Variants in NOLC1 observed in about 807,000 individuals in gnomAD.
NOLC1 encodes 140 kDa nucleolar phosphoprotein.
A neutral mutation model predicts 73.4 loss-of-function variants in NOLC1; 37 were observed. That is an observed-to-expected ratio of 0.50 (90% CI 0.39 to 0.66). The LOEUF (loss-of-function observed/expected upper bound fraction) is 0.66, where lower values mean the gene tolerates loss of function less well. NOLC1 is among the 30% of genes least tolerant of loss of function. NOLC1 has a pLI of 0.00. For synonymous variants in NOLC1, 327 were observed against 302.6 expected (o/e 1.08, Z -0.84); for missense variants, 921 against 838.9 (o/e 1.10, Z -1.21).
intron 1 of NOLC1, 101 bp downstream of exon 1, chr10:102,152,631 A>G: frequency 2.0e-6 from 3 of 1,538,340 alleles, no homozygotes; most frequent in Non-Finnish European, 2.6e-6. Context: ...GGGGTCCGCC[A>G]GTCCAGTGTC....
intron 1 of NOLC1, among the ~76,000 whole-genome samples, chr10:102,154,231 C>T (rs1423341574): frequency 1.4e-5 from 2 of 147,922 alleles, no homozygotes; most frequent in African/African-American, 2.5e-5. Context: ...CCCACCATGC[C>T]TGGCTAATTT....
At position 102,162,305 on chromosome 10, in the gene NOLC1, C is replaced by G; in HGVS notation, c.*36C>G. ...TCTTCGGTGAAGCAAGGGTGATGAT[C>G]GGAGACTACTTACTTTCTCCAGTGG... On this transcript the variant is annotated 3_prime_UTR_variant, in exon 13 of 13. Transcript: ENST00000605788. The G allele has an allele frequency of 6.2e-7, 1 of 1,604,148 alleles. No individual in the cohort carries two copies. Among genetic ancestry groups the G allele is most frequent in the Non-Finnish European group, 8.5e-7 (1 of 1,173,902 alleles).
chr10:102,159,122 A>C, intron 5 of NOLC1, 71 bp from the exon 6 acceptor site: 1 of 1,262,996 alleles, frequency 7.9e-7, no homozygotes, highest in African/African-American at 1.5e-5. Context: ...CTCTGCTCAT[A>C]GGAAGGAGGT....
intron 1 of NOLC1, among the ~76,000 whole-genome samples, chr10:102,155,022 A>AT (rs34034390): frequency 0.21 from 27,879 of 131,180 alleles, 3,595 homozygotes; most frequent in East Asian, 0.34. Context: ...CACCTGGCTA[A>AT]TTTTTTTTTT....
rs890709687 is a variant in NOLC1, at chr10:102,162,832, T to C, written c.*563T>C. On this transcript the variant is annotated 3_prime_UTR_variant, in exon 13 of 13. Coordinates refer to ENST00000605788, the MANE Select transcript of NOLC1 (RefSeq NM_004741.5). ...GCATGCACTATGTATTTCATCCTCA[T>C]TTATTGGGTCTGGGACTGAAGTTTT... 7.9e-5 allele frequency: 12 copies of C among 152,250 alleles called. No homozygotes were observed. The highest frequency in any genetic ancestry group is 2.9e-5 in the Non-Finnish European group (2 of 68,056). 9.4% of individuals were successfully genotyped at this position (152,250 alleles called of 1,614,324 possible).
Position 102,152,465 on chromosome 10 carries a change from C to T in NOLC1, c.55C>T (p.Leu19Phe), listed in dbSNP as rs748924182. 1 of 1,613,602 alleles carries T rather than the reference C, an allele frequency of 6.2e-7. No homozygotes were observed. The highest frequency in any genetic ancestry group is 8.5e-7 in the Non-Finnish European group (1 of 1,180,038). ...VVPSDLYPLV[L>F]GFLRDNQLSE... is the part of the protein sequence containing the mutation. The stretch of plus-strand genomic sequence containing the variant: ...TCCCAGCGACCTGTATCCCCTCGTG[C>T]TCGGCTTCCTGCGCGATAACCAACT... The change falls in exon 1 of 13, where the codon CTC becomes TTC. Residue 19 changes from leucine (L) to phenylalanine (F), a missense_variant. Transcript: ENST00000605788.
Position 102,157,089 on chromosome 10 carries a change from T to C in NOLC1, c.176+15T>C. Reference sequence around the variant, plus strand: ...TTCTGGCTCAAGTAAGCCTTTCCTGTTCCATTTTGGCTATTTTCTCCCCCA... The same window carrying C: ...TTCTGGCTCAAGTAAGCCTTTCCTGCTCCATTTTGGCTATTTTCTCCCCCA... On this transcript the variant is annotated intron_variant, in intron 2 of 12. Transcript: ENST00000605788. 1 of 1,614,118 alleles carries C rather than the reference T, an allele frequency of 6.2e-7. No individual in the cohort carries two copies. Among genetic ancestry groups the C allele is most frequent in the Non-Finnish European group, 8.5e-7 (1 of 1,179,944 alleles).
chr10:102,158,842 C>T (rs2069646849), intron 5 of NOLC1, among the ~76,000 whole-genome samples: 1 of 151,998 alleles, frequency 6.6e-6, no homozygotes, highest in South Asian at 2.1e-4. Context: ...CACCTATAAT[C>T]CCAGCACTTT....
In NOLC1 at chr10:102,162,212, C is replaced by T; in HGVS notation, c.2043C>T (p.Ser681=). 1.2e-6 allele frequency: 2 copies of T among 1,614,140 alleles called. No homozygotes were observed. The highest frequency in any genetic ancestry group is 1.7e-6 in the Non-Finnish European group (2 of 1,180,022). The change falls in exon 13 of 13, where the codon AGC becomes AGT. Residue 681 remains serine, a synonymous_variant. Transcript: ENST00000605788. ...RHEKTKKKRG[S]YRGGSISVQV... ...AGAAAACCAAGAAGAAGCGGGGCAGCTACCGGGGAGGCTCAATCTCTGTCC... is the reference window on the plus strand; with the variant it reads ...AGAAAACCAAGAAGAAGCGGGGCAGTTACCGGGGAGGCTCAATCTCTGTCC...
rs2069738903 is a variant in NOLC1 at position 102,162,998 on chromosome 10, A to G, written c.*729A>G. On this transcript the variant is annotated 3_prime_UTR_variant, in exon 13 of 13. Transcript: ENST00000605788. The stretch of plus-strand genomic sequence containing the variant: ...TTTATCATTACACGATGTTTGCAAT[A>G]CGTGCTTTGTTTTTTAATTTGAAAG... 6.6e-6 allele frequency: 1 copy of G among 152,214 alleles called. No individual in the cohort carries two copies. Among genetic ancestry groups the G allele is most frequent in the African/African-American group, 2.4e-5 (1 of 41,456 alleles). The allele number at this position is 152,214 out of a possible 1,614,324, so 9.4% of individuals were successfully genotyped here.
Position 102,160,746 on chromosome 10 carries a change from G to A in NOLC1, c.1394G>A (p.Gly465Asp). ...LSLPAKQAPQ[G>D]SRDSSSDSDS... is the part of the protein sequence containing the mutation. ...CTGCCTGCCAAGCAGGCTCCTCAGG[G>A]TAGTAGGGACAGCAGCTCTGATTCA... The change falls in exon 10 of 13, where the codon GGT becomes GAT. Residue 465 changes from glycine (G) to aspartate (D), a missense_variant. Coordinates refer to ENST00000605788, the MANE Select transcript of NOLC1 (RefSeq NM_004741.5). 1 of 1,614,108 alleles carries A rather than the reference G, an allele frequency of 6.2e-7. No homozygotes were observed. The highest frequency in any genetic ancestry group is 1.1e-5 in the South Asian group (1 of 91,092).
At chr10:102,156,602 T>C (rs2069599011) in intron 1 of NOLC1, among the ~76,000 whole-genome samples, 1 of 151,970 alleles carries the variant, frequency 6.6e-6, no homozygotes, top group Non-Finnish European at 1.5e-5. Context: ...CATGCTGGGC[T>C]AATTTTTGTT....
In NOLC1 at chr10:102,160,819, A is replaced by G; in HGVS notation, c.1467A>G (p.Ala489=). 1.2e-6 allele frequency: 2 copies of G among 1,614,208 alleles called. No individual in the cohort carries two copies. Among genetic ancestry groups the G allele is most frequent in the Non-Finnish European group, 1.7e-6 (2 of 1,180,026 alleles). Residue 489 remains alanine (A), a synonymous_variant, in exon 10 of 13, where the codon GCA becomes GCG. Coordinates refer to ENST00000605788, the MANE Select transcript of NOLC1 (RefSeq NM_004741.5). ...EEEEEKTSKS[A]VKKKPQKVAG... The stretch of plus-strand genomic sequence containing the variant: ...AGGAAGAGAAGACATCTAAGTCTGC[A>G]GTTAAGAAGAAGCCACAGAAGGTAG...
At position 102,162,500 on chromosome 10, in the gene NOLC1, T is replaced by C. The variant is rs1186206956; in HGVS notation, c.*231T>C. The C allele has an allele frequency of 5.6e-6, 2 of 360,348 alleles. No homozygotes were observed. Among genetic ancestry groups the C allele is most frequent in the Non-Finnish European group, 9.8e-6 (2 of 203,134 alleles). 22.3% of individuals were successfully genotyped at this position (360,348 alleles called of 1,614,324 possible). A position where few individuals can be genotyped will look rare whatever the true frequency, so the allele number is the denominator to read the frequency against. ...GCAGGGACAAAATAAGGGAATGTTA[T>C]TTTTTAAGAAAATTCATTTTCATTG... On this transcript the variant is annotated 3_prime_UTR_variant, in exon 13 of 13. Coordinates refer to ENST00000605788, the MANE Select transcript of NOLC1 (RefSeq NM_004741.5).
chr10:102,159,712 G>A, intron 7 of NOLC1, 144 bp downstream of exon 7: 4 of 1,117,670 alleles, frequency 3.6e-6, no homozygotes, highest in Non-Finnish European at 5.0e-6. Flanking sequence ...AGGAAAGCAA[G>A]GAGAAATCTC....
At position 102,162,437 on chromosome 10, in the gene NOLC1, TC is replaced by T. The variant is rs1379172855; in HGVS notation, c.*170del. 5.2e-6 allele frequency: 3 copies of T among 579,122 alleles called. No individual in the cohort carries two copies. Among genetic ancestry groups the T allele is most frequent in the Non-Finnish European group, 8.5e-6 (3 of 354,214 alleles). 35.9% of individuals were successfully genotyped at this position (579,122 alleles called of 1,614,324 possible). A position where few individuals can be genotyped will look rare whatever the true frequency, so the allele number is the denominator to read the frequency against. ...CATCCTCTCTGGTCCTTTTCTGTGT[TC>T]CTAGTTTTGTACAGACTTGTTTTTG... On this transcript the variant is annotated 3_prime_UTR_variant, in exon 13 of 13. Transcript: ENST00000605788.
At position 102,160,502 on chromosome 10, in the gene NOLC1, A is replaced by G. The variant is rs756641091; in HGVS notation, c.1150A>G (p.Thr384Ala). The G allele has an allele frequency of 1.9e-6, 3 of 1,614,216 alleles. No individual in the cohort carries two copies. Among genetic ancestry groups the G allele is most frequent in the South Asian group, 1.1e-5 (1 of 91,086 alleles). ...DEAPSKPAGT[T>A]KNSSNKPAVT... The stretch of plus-strand genomic sequence containing the variant: ...AGCTCCTTCTAAGCCAGCTGGTACC[A>G]CCAAGAATTCTTCAAATAAGCCAGC... The change falls in exon 10 of 13, where the codon ACC becomes GCC. Residue 384 changes from threonine to alanine, a missense_variant. Thr to Ala is a moderately conservative substitution (Grantham distance 58, BLOSUM62 0). Coordinates refer to ENST00000605788, the MANE Select transcript of NOLC1 (RefSeq NM_004741.5).
At chr10:102,159,099 G>T in intron 5 of NOLC1, 94 bp from the exon 6 acceptor site, 14 of 853,420 alleles carry the variant, frequency 1.6e-5, no homozygotes, top group Non-Finnish European at 2.1e-5. Context: ...AAAAAATGGT[G>T]GACTCCTAAG....
At position 102,160,155 on chromosome 10, in the gene NOLC1, T is replaced by C. The variant is rs1246147544; in HGVS notation, c.989-78T>C. ...CAAGACAGAGCTAAGGCTCTGTGCG[T>C]GTCTTTGCATTCTTTTTATTGCTGT... On this transcript the variant is annotated intron_variant, in intron 8 of 12. Transcript: ENST00000605788. 5.7e-6 allele frequency: 9 copies of C among 1,585,414 alleles called. No individual in the cohort carries two copies. In the African/African-American group the frequency reaches 9.5e-5, roughly 17 times the overall value.
Sources: gnomAD v4.1 joint callset for allele counts (sites outside exome capture counted in the v4.1 genomes callset) on GRCh38, gnomAD v4.1.1 for gene constraint, MANE v1.5 for transcripts, NCBI Gene and HGNC (gene_info 2026-07-23, HGNC 2026-07-21) for gene names.